The following CCDC181 variants were observed in gnomAD, a reference collection of about 807,000 sequenced individuals.
CCDC181 encodes coiled-coil domain containing 181.
In CCDC181, 35 loss-of-function variants were observed where a neutral mutation model predicts 58.7. The observed-to-expected ratio is 0.60, with a 90% CI of 0.46 to 0.79. The LOEUF (loss-of-function observed/expected upper bound fraction) is 0.79, where lower values mean the gene tolerates loss of function less well. Among genes scored for constraint, CCDC181 ranks in the 30% least tolerant of loss-of-function variants. CCDC181 has a pLI of 0.00. For synonymous variants in CCDC181, 183 were observed against 197.5 expected (o/e 0.93, Z 0.62); for missense variants, 517 against 583.9 (o/e 0.89, Z 1.18).
chr1:169,415,488 T>C (rs1221033859), intron 4 of CCDC181, among the ~76,000 whole-genome samples: 6 of 152,166 alleles, frequency 3.9e-5, no homozygotes, highest in African/African-American at 1.2e-4. Context: ...TTTCCTATCT[T>C]ATGCAAATTC....
chr1:169,448,950 G>A (rs1366981528), intron 2 of CCDC181, among the ~76,000 whole-genome samples: 3 of 152,100 alleles, frequency 2.0e-5, no homozygotes, highest in Non-Finnish European at 4.4e-5. Flanking sequence ...GTGTACTGAT[G>A]ATCCCATCAA....
Sources: allele counts gnomAD v4.1 joint callset (sites outside exome capture counted in the v4.1 genomes callset), GRCh38; gene constraint gnomAD v4.1.1; transcripts MANE v1.5; gene names NCBI Gene and HGNC (gene_info 2026-07-23, HGNC 2026-07-21).